The following CREB3L2 variants were observed in gnomAD, a reference collection of about 807,000 sequenced individuals.
The protein encoded by CREB3L2 is cAMP responsive element binding protein 3 like 2.
A neutral mutation model predicts 57.2 loss-of-function variants in CREB3L2; 23 were observed. The observed-to-expected ratio is 0.40, with a 90% CI of 0.29 to 0.57. The LOEUF (loss-of-function observed/expected upper bound fraction) is 0.57, where lower values mean the gene tolerates loss of function less well. Ranked by LOEUF, CREB3L2 falls within the 20% of genes least tolerant of loss-of-function variation. The pLI is 0.42. For missense variants in CREB3L2, 628 were observed against 634.7 expected, an observed-to-expected ratio of 0.99 and a Z score of 0.11; for synonymous variants, 268 against 265.1, an observed-to-expected ratio of 1.01 and a Z score of -0.11.
At chr7:137,956,654 T>C in intron 1 of CREB3L2, 17 of 1,286,182 alleles carry the variant, frequency 1.3e-5, no homozygotes, top group Non-Finnish European at 1.7e-5. Flanking sequence ...AGGTAAGCCA[T>C]ATTGAAACAG....
chr7:137,876,623 G>A lies in CREB3L2; in HGVS notation c.*3853C>T, dbSNP rs559938976. On this transcript the variant is annotated 3_prime_UTR_variant, in exon 12 of 12. Coordinates refer to ENST00000330387, the MANE Select transcript of CREB3L2 (RefSeq NM_194071.4). The stretch of plus-strand genomic sequence containing the variant: ...TCTCTCCTGTAACTGCCCTCCCAGC[G>A]GGGCCTATCCTAGCATGTGTCTATG... The A allele has an allele frequency of 7.3e-5, 17 of 232,912 alleles. No individual in the cohort carries two copies. In the South Asian group the frequency reaches 1.4e-3, roughly 20 times the overall value. The allele number at this position is 232,912 out of a possible 1,614,324, so 14.4% of individuals were successfully genotyped here.
In CREB3L2 at chr7:137,878,570, C is replaced by T; in HGVS notation, c.*1906G>A. On this transcript the variant is annotated 3_prime_UTR_variant, in exon 12 of 12. Coordinates refer to ENST00000330387, the MANE Select transcript of CREB3L2 (RefSeq NM_194071.4). ...ACCTACTAGCAACCCTCCTCCTGCA[C>T]AGCTCAGACAGTCTCCGCCCTGGCT... 1 of 233,430 alleles carries T rather than the reference C, an allele frequency of 4.3e-6. No individual in the cohort carries two copies. The highest frequency in any genetic ancestry group is 8.5e-6 in the Non-Finnish European group (1 of 118,222). 14.5% of individuals were successfully genotyped at this position (233,430 alleles called of 1,614,324 possible).
At chr7:137,924,021 C>G (rs115858316) in intron 2 of CREB3L2, among the ~76,000 whole-genome samples, 1 of 152,296 alleles carries the variant, frequency 6.6e-6, no homozygotes, top group African/African-American at 2.4e-5. Context: ...TCACCTTTAC[C>G]TCACAGACTA....
At chr7:137,972,726 TATATATATATAGAGAGAG>T (rs1230189761) in intron 1 of CREB3L2, among the ~76,000 whole-genome samples, 17 of 26,518 alleles carry the variant, frequency 6.4e-4, no homozygotes, top group African/African-American at 2.5e-3. Context: ...TATATATATA[TATATATATATAGAGAGAG>T]AGAGAGAGAG....
At chr7:137,903,853 A>C in intron 7 of CREB3L2, 106 bp downstream of exon 7, 4 of 945,718 alleles carry the variant, frequency 4.2e-6, no homozygotes. Context: ...CGGGTTTCCA[A>C]GGTGGCCAGA....
At chr7:137,936,823 C>A (rs1800793980) in intron 1 of CREB3L2, among the ~76,000 whole-genome samples, 5 of 152,204 alleles carry the variant, frequency 3.3e-5, no homozygotes, top group Admixed American at 3.3e-4. Flanking sequence ...AGCTCTACTA[C>A]CCTATCATTT....
At chr7:137,971,732 T>C (rs1411009646) in intron 1 of CREB3L2, among the ~76,000 whole-genome samples, 2 of 151,998 alleles carry the variant, frequency 1.3e-5, no homozygotes, top group Non-Finnish European at 2.9e-5. Flanking sequence ...GCTCTTTCCA[T>C]TTTTCTAAAA....
At chr7:137,944,364 C>T (rs1585647857) in intron 1 of CREB3L2, among the ~76,000 whole-genome samples, 1 of 152,316 alleles carries the variant, frequency 6.6e-6, no homozygotes, top group South Asian at 2.1e-4. Flanking sequence ...TTCCCAGTCT[C>T]AACAAAGTGG....
chr7:137,967,443 C>T (rs1163916237), intron 1 of CREB3L2, among the ~76,000 whole-genome samples: 2 of 152,162 alleles, frequency 1.3e-5, no homozygotes, highest in Non-Finnish European at 2.9e-5. Flanking sequence ...ATCATGGTCA[C>T]CACACTACTA....
intron 1 of CREB3L2, among the ~76,000 whole-genome samples, chr7:137,954,894 C>T (rs1332796129): frequency 3.9e-5 from 6 of 152,164 alleles, no homozygotes; most frequent in African/African-American, 1.4e-4. Flanking sequence ...AGACTACAAA[C>T]GTTGCCTAAG....
intron 8 of CREB3L2, among the ~76,000 whole-genome samples, chr7:137,892,633 G>A (rs1171628658): frequency 6.6e-6 from 1 of 152,086 alleles, no homozygotes; most frequent in African/African-American, 2.4e-5. Context: ...CTGGGTGACA[G>A]AGCAAGACTC....
chr7:137,897,760 G>A (rs1250087197), intron 8 of CREB3L2, among the ~76,000 whole-genome samples: 1 of 152,134 alleles, frequency 6.6e-6, no homozygotes, highest in East Asian at 1.9e-4. Flanking sequence ...TAACAAAGAA[G>A]TATGTACAAT....
intron 1 of CREB3L2, among the ~76,000 whole-genome samples, chr7:137,930,927 T>TAA (rs34350375): frequency 0.026 from 3,693 of 144,292 alleles, 71 homozygotes; most frequent in Non-Finnish European, 0.038. Context: ...TCATTCCTTT[T>TAA]AAAAAAAAAA....
At chr7:137,981,562 A>T (rs1801712075) in intron 1 of CREB3L2, among the ~76,000 whole-genome samples, 1 of 152,212 alleles carries the variant, frequency 6.6e-6, no homozygotes, top group Non-Finnish European at 1.5e-5. Context: ...AACTAGGAAA[A>T]AAGTCACAGA....
At chr7:137,996,565 G>C in intron 1 of CREB3L2, among the ~76,000 whole-genome samples, 1 of 152,212 alleles carries the variant, frequency 6.6e-6, no homozygotes, top group Admixed American at 6.5e-5. Context: ...CAAACCAAAA[G>C]CTTCAATATC....
At chr7:137,946,089 T>G (rs1469411481) in intron 1 of CREB3L2, among the ~76,000 whole-genome samples, 1 of 152,168 alleles carries the variant, frequency 6.6e-6, no homozygotes, top group Non-Finnish European at 1.5e-5. Context: ...CACTCCCTCC[T>G]GCCCACTGTA....
At chr7:137,991,239 A>G (rs898895143) in intron 1 of CREB3L2, among the ~76,000 whole-genome samples, 2 of 151,418 alleles carry the variant, frequency 1.3e-5, no homozygotes, top group Non-Finnish European at 2.9e-5. Context: ...TCTCGGCTCA[A>G]TGCAAGCTCC....
Position 137,928,229 on chromosome 7 carries a change from C to G in CREB3L2, c.240G>C (p.Glu80Asp). The G allele has an allele frequency of 6.2e-7, 1 of 1,611,798 alleles. No homozygotes were observed. Among genetic ancestry groups the G allele is most frequent in the Non-Finnish European group, 8.5e-7 (1 of 1,178,868 alleles). Residue 80 changes from glutamate to aspartate, a missense_variant, in exon 2 of 12, where the codon GAG (glutamate) becomes GAC (aspartate). This residue lies in a region of CREB3L2 where 339 missense variants were observed against 355.4 expected (regional missense o/e 0.95). Coordinates refer to ENST00000330387, the MANE Select transcript of CREB3L2 (RefSeq NM_194071.4). ...PTSPAPLIQA[E>D]HSYSLCEEPR... ...GCTCCTCGCACAGGGAGTAGCTGTG[C>G]TCAGCCTGGATGAGAGGCGCCGGGG...
At chr7:137,972,590 T>C (rs1801525072) in intron 1 of CREB3L2, among the ~76,000 whole-genome samples, 1 of 143,680 alleles carries the variant, frequency 7.0e-6, no homozygotes, top group East Asian at 2.1e-4. Flanking sequence ...CTCACATCTG[T>C]AATCCCAGCT....
Sources: gnomAD v4.1 joint callset for allele counts (sites outside exome capture counted in the v4.1 genomes callset) on GRCh38, gnomAD v4.1.1 for gene constraint, gnomAD v4.1.1 regional missense constraint, MANE v1.5 for transcripts, NCBI Gene and HGNC (gene_info 2026-07-23, HGNC 2026-07-21) for gene names.